Variants in SASH1 observed in about 807,000 individuals in gnomAD.
SASH1 encodes the protein SAM and SH3 domain-containing protein 1.
SASH1 carries 44 observed loss-of-function variants against 125.2 expected under a neutral mutation model. The ratio of observed to expected loss-of-function variants is 0.35; its 90% CI spans 0.28 to 0.45. The LOEUF (loss-of-function observed/expected upper bound fraction) is 0.45. SASH1 is among the 20% of genes least tolerant of loss of function. The pLI is 1.00. For missense variants in SASH1, 1,426 were observed against 1,614.5 expected, an observed-to-expected ratio of 0.88 and a Z score of 2.00; for synonymous variants, 639 against 649.1, an observed-to-expected ratio of 0.98 and a Z score of 0.24.
At chr6:148,280,520 T>C (rs1356043526) in intron 1 of SASH1, 1 of 152,188 alleles carries the variant, frequency 6.6e-6, no homozygotes. Flanking sequence ...ATTACCTTGA[T>C]GAACAAATAG....
At chr6:148,441,623 T>C (rs1776550257) in intron 4 of SASH1, among the ~76,000 whole-genome samples, 1 of 152,210 alleles carries the variant, frequency 6.6e-6, no homozygotes, top group South Asian at 2.1e-4. Context: ...GAACGGGCTG[T>C]AGCTTTTCCT....
chr6:148,226,386 C>A, the SASH1 span, among the ~76,000 whole-genome samples: 1 of 152,130 alleles, frequency 6.6e-6, no homozygotes, highest in Non-Finnish European at 1.5e-5. Context: ...ATGTGACAAT[C>A]ATAAATGGAG....
At position 148,548,536 on chromosome 6, in the gene SASH1, C is replaced by T. The variant is rs150313107; in HGVS notation, c.3722C>T (p.Pro1241Leu). Residue 1241 changes from proline to leucine, a missense_variant, in exon 20 of 20, where the codon CCG becomes CTG. Around this residue, in one of 3 missense-constraint regions of SASH1, gnomAD observed 634 missense variants for 694.4 expected, o/e 0.91. Coordinates refer to ENST00000367467, the MANE Select transcript of SASH1 (RefSeq NM_015278.5). Reference sequence around the variant, plus strand: ...TCTGCAGCCAGACTCTTCAAACTGCCGCCAGGCCCTGAGGCCATGTAGCCA... The same window carrying T: ...TCTGCAGCCAGACTCTTCAAACTGCTGCCAGGCCCTGAGGCCATGTAGCCA... Reference protein sequence around the residue: ...LLSAARLFKLPPGPEAM With the variant: ...LLSAARLFKLLPGPEAM 2.9e-5 allele frequency: 46 copies of T among 1,609,122 alleles called. No individual in the cohort carries two copies. The highest frequency in any genetic ancestry group is 4.5e-5 in the East Asian group (2 of 44,878).
At chr6:148,363,000 T>C (rs1782298498) in intron 1 of SASH1, among the ~76,000 whole-genome samples, 1 of 152,170 alleles carries the variant, frequency 6.6e-6, no homozygotes, top group African/African-American at 2.4e-5. Context: ...GAGAAAGTTG[T>C]AGTGCAGCAT....
chr6:148,369,966 C>CAAA (rs562924566), intron 1 of SASH1, among the ~76,000 whole-genome samples: 3,372 of 93,406 alleles, frequency 0.036, 86 homozygotes, highest in South Asian at 0.13. Context: ...AAAAGAAAAA[C>CAAA]AAAAAAAAAA....
At chr6:148,446,387 C>T (rs570861084) in intron 4 of SASH1, among the ~76,000 whole-genome samples, 300 of 152,044 alleles carry the variant, frequency 2.0e-3, no homozygotes, top group Non-Finnish European at 3.7e-3. Context: ...GGATGACAGG[C>T]GTGAGCCACC....
intron 1 of SASH1, among the ~76,000 whole-genome samples, chr6:148,330,616 C>A (rs1466882988): frequency 6.6e-6 from 1 of 151,956 alleles, no homozygotes; most frequent in Admixed American, 6.6e-5. Flanking sequence ...ATGGAGTTTC[C>A]CTCTTGTCGC....
At chr6:148,535,831 AG>A (rs2115420211) in intron 16 of SASH1, among the ~76,000 whole-genome samples, 1 of 152,358 alleles carries the variant, frequency 6.6e-6, no homozygotes, top group African/African-American at 2.4e-5. Flanking sequence ...GGATATCAGT[AG>A]CTAATAGCAT....
chr6:148,295,403 C>A (rs541704456), intron 1 of SASH1, among the ~76,000 whole-genome samples: 1 of 152,294 alleles, frequency 6.6e-6, no homozygotes, highest in South Asian at 2.1e-4. Flanking sequence ...AGAGAAGGAG[C>A]TGAAGTAAAC....
At chr6:148,287,027 G>A (rs1779499006) in intron 1 of SASH1, among the ~76,000 whole-genome samples, 1 of 152,170 alleles carries the variant, frequency 6.6e-6, no homozygotes, top group Non-Finnish European at 1.5e-5. Flanking sequence ...AGGAGCCTAT[G>A]GGTGGAGTCC....
chr6:148,195,011 T>C, the SASH1 span, among the ~76,000 whole-genome samples: 1 of 152,218 alleles, frequency 6.6e-6, no homozygotes. Flanking sequence ...GAAAGGAGGG[T>C]AAAAAAATGT....
rs940022749 is a variant in SASH1, at chr6:148,549,801, A to G, written c.*1243A>G. ...TTTAAATTGTTTTACAACTGATTTC[A>G]GCACATTCTATCCTTTTTTTTTTTT... On this transcript the variant is annotated 3_prime_UTR_variant, in exon 20 of 20. Coordinates refer to ENST00000367467, the MANE Select transcript of SASH1 (RefSeq NM_015278.5). 1.1e-5 allele frequency: 4 copies of G among 380,066 alleles called. No individual in the cohort carries two copies. Among genetic ancestry groups the G allele is most frequent in the South Asian group, 1.5e-4 (1 of 6,814 alleles). The allele number at this position is 380,066 out of a possible 1,614,324, so 23.5% of individuals were successfully genotyped here.
In SASH1 at chr6:148,532,700, G is replaced by GCCTT. The variant is rs1283523072; in HGVS notation, c.1565-95_1565-92dup. 1.4e-6 allele frequency: 2 copies of GCCTT among 1,405,180 alleles called. No individual in the cohort carries two copies. The highest frequency in any genetic ancestry group is 2.0e-6 in the Non-Finnish European group (2 of 1,016,884). The allele number at this position is 1,405,180 out of a possible 1,614,324, so 87.0% of individuals were successfully genotyped here. ...GTGGCTCAAGGCTTCCTTTCTCTGGGCCTTCATTTCCTAATCTGCCATACC... is the reference window on the plus strand; with the variant it reads ...GTGGCTCAAGGCTTCCTTTCTCTGGGCCTTCCTTCATTTCCTAATCTGCCATACC... On this transcript the variant is annotated intron_variant, in intron 13 of 19. Transcript: ENST00000367467. The surrounding 1 kb of genome is among the most constrained non-coding windows in gnomAD (Gnocchi z 4.7).
chr6:148,498,464 C>A (rs933778850), intron 8 of SASH1, among the ~76,000 whole-genome samples: 1 of 151,148 alleles, frequency 6.6e-6, no homozygotes, highest in Non-Finnish European at 1.5e-5. Flanking sequence ...AAACAAATGA[C>A]AAAATAACCC....
intron 8 of SASH1, among the ~76,000 whole-genome samples, chr6:148,489,888 A>T (rs7767807): frequency 1.5e-5 from 2 of 135,366 alleles, no homozygotes; most frequent in Non-Finnish European, 3.1e-5. Flanking sequence ...GTGTGTGTGT[A>T]TAGTGTTAGG....
intron 1 of SASH1, among the ~76,000 whole-genome samples, chr6:148,373,172 CAA>C (rs1782763802): frequency 1.3e-5 from 2 of 151,984 alleles, no homozygotes; most frequent in Non-Finnish European, 2.9e-5. Flanking sequence ...GCCTGGGCAA[CAA>C]GAGCGAAACT....
chr6:148,536,192 C>T (rs1554272357), intron 16 of SASH1, among the ~76,000 whole-genome samples: 1 of 152,194 alleles, frequency 6.6e-6, no homozygotes, highest in Non-Finnish European at 1.5e-5. Context: ...TGTAAAGAGC[C>T]TGCACGGTAA....
chr6:148,402,813 G>A (rs572806598), intron 2 of SASH1, among the ~76,000 whole-genome samples: 1 of 148,624 alleles, frequency 6.7e-6, no homozygotes, highest in East Asian at 2.0e-4. Context: ...GTTTCACCAT[G>A]TTAGCCAGGA....
At chr6:148,522,931 T>C (rs1163283471) in intron 10 of SASH1, among the ~76,000 whole-genome samples, 2 of 152,242 alleles carry the variant, frequency 1.3e-5, no homozygotes, top group Non-Finnish European at 2.9e-5. Context: ...TTTATTGTTA[T>C]ATTCTTTGTC....
Sources: gnomAD v4.1 joint callset for allele counts (sites outside exome capture counted in the v4.1 genomes callset) on GRCh38, gnomAD v4.1.1 for gene constraint, gnomAD v4.1.1 regional missense constraint, Gnocchi (gnomAD v3.1) non-coding constraint, MANE v1.5 for transcripts, NCBI Gene and HGNC (gene_info 2026-07-23, HGNC 2026-07-21) for gene names.